The following KANSL1L variants were observed in gnomAD, a reference collection of about 807,000 sequenced individuals.
KANSL1L encodes the protein KAT8 regulatory NSL complex subunit 1 like.
KANSL1L carries 25 observed loss-of-function variants against 108.6 expected under a neutral mutation model. The observed-to-expected ratio is 0.23, with a 90% CI of 0.17 to 0.32. KANSL1L has a LOEUF of 0.32. Among genes scored for constraint, KANSL1L ranks in the 10% least tolerant of loss-of-function variants. KANSL1L has a pLI of 1.00. For missense variants in KANSL1L, 1,137 were observed against 1,125.7 expected, an observed-to-expected ratio of 1.01 and a Z score of -0.14; for synonymous variants, 405 against 395.1, an observed-to-expected ratio of 1.03 and a Z score of -0.30.
chr2:210,143,419 AT>A (rs2095243978), intron 2 of KANSL1L, among the ~76,000 whole-genome samples: 1 of 152,162 alleles, frequency 6.6e-6, no homozygotes, highest in Non-Finnish European at 1.5e-5. Flanking sequence ...ATGTTTTTAA[AT>A]TGGATAATTT....
intron 6 of KANSL1L, among the ~76,000 whole-genome samples, chr2:210,047,071 TC>T (rs34262328): frequency 6.8e-6 from 1 of 147,814 alleles, no homozygotes; most frequent in African/African-American, 2.5e-5. Context: ...AGGGGCAGCC[TC>T]CATTATCTCT....
intron 5 of KANSL1L, among the ~76,000 whole-genome samples, chr2:210,092,572 T>A (rs1319690561): frequency 6.6e-6 from 1 of 152,240 alleles, no homozygotes; most frequent in East Asian, 1.9e-4. Context: ...TTTATTTCTA[T>A]AATCAGGCTA....
chr2:210,038,545 T>C (rs1198529415), intron 8 of KANSL1L, among the ~76,000 whole-genome samples: 1 of 152,034 alleles, frequency 6.6e-6, no homozygotes, highest in Non-Finnish European at 1.5e-5. Flanking sequence ...TCAGTTAATA[T>C]TATTTTCATT....
chr2:210,068,897 A>G (rs1301997525), intron 6 of KANSL1L, among the ~76,000 whole-genome samples: 1 of 152,096 alleles, frequency 6.6e-6, no homozygotes, highest in Non-Finnish European at 1.5e-5. Flanking sequence ...TCCATGAGTT[A>G]CATACCTAAC....
chr2:210,141,169 CTT>C (rs571695275), intron 2 of KANSL1L, among the ~76,000 whole-genome samples: 1 of 91,078 alleles, frequency 1.1e-5, no homozygotes, highest in Admixed American at 9.3e-5. Flanking sequence ...TCTCTGTTTT[CTT>C]TCTTTTCTTT....
chr2:210,027,483 A>G (rs2093954159), intron 11 of KANSL1L, 133 bp from the exon 12 acceptor site: 1 of 618,102 alleles, frequency 1.6e-6, no homozygotes. Flanking sequence ...TTAATACTTA[A>G]TTTTTTAAAA....
In KANSL1L at chr2:210,044,660, AT is replaced by A. The variant is rs1022458764; in HGVS notation, c.1756-557del. On this transcript the variant is annotated intron_variant, in intron 6 of 14. Coordinates refer to ENST00000281772, the MANE Select transcript of KANSL1L (RefSeq NM_152519.4). The surrounding 1 kb of genome is among the most constrained non-coding windows in gnomAD (Gnocchi z 4.2). ...GCTTGCCAAAAGAACTTGAAAAAAA[AT>A]ATATTAATGTTGAATTTAATCATAT... 2.0e-4 allele frequency among the ~76,000 whole-genome samples: 31 copies of A among 152,282 alleles called. 3 individuals carry two copies. Among genetic ancestry groups the A allele is most frequent in the Admixed American group, 1.9e-3 (29 of 15,302 alleles).
At chr2:210,135,746 T>C (rs2095167558) in intron 2 of KANSL1L, among the ~76,000 whole-genome samples, 3 of 152,176 alleles carry the variant, frequency 2.0e-5, no homozygotes, top group African/African-American at 7.2e-5. Context: ...ATTCTATATA[T>C]TTATGTTGAC....
At chr2:210,043,106 G>T (rs1194395503) in intron 7 of KANSL1L, among the ~76,000 whole-genome samples, 1 of 152,094 alleles carries the variant, frequency 6.6e-6, no homozygotes, top group Non-Finnish European at 1.5e-5. Context: ...ATCAAGAACT[G>T]AAAATTTAAA....
intron 5 of KANSL1L, among the ~76,000 whole-genome samples, chr2:210,081,927 A>G (rs1055261327): frequency 2.6e-5 from 4 of 152,192 alleles, no homozygotes; most frequent in African/African-American, 9.6e-5. Flanking sequence ...TCTTTGGTTT[A>G]CAAAGTTAGG....
chr2:210,037,907 G>A (rs2094124835), intron 8 of KANSL1L, among the ~76,000 whole-genome samples: 1 of 151,974 alleles, frequency 6.6e-6, no homozygotes, highest in African/African-American at 2.4e-5. Flanking sequence ...TAAACAGCAG[G>A]CTTATTCAAA....
intron 7 of KANSL1L, among the ~76,000 whole-genome samples, chr2:210,042,267 T>C (rs746467141): frequency 2.0e-5 from 3 of 152,244 alleles, no homozygotes; most frequent in Non-Finnish European, 4.4e-5. Context: ...TTGAGGGATT[T>C]ATTTGTATTT....
intron 8 of KANSL1L, among the ~76,000 whole-genome samples, chr2:210,034,930 C>T (rs1179388507): frequency 6.6e-6 from 1 of 152,150 alleles, no homozygotes; most frequent in African/African-American, 2.4e-5. Context: ...ATGTTAACAT[C>T]GTATCACATT....
Position 210,079,267 on chromosome 2 carries a change from GCCA to G in KANSL1L, c.1551-3514_1551-3512del, listed in dbSNP as rs373008026. 2.1e-3 allele frequency among the ~76,000 whole-genome samples: 318 copies of G among 152,082 alleles called. 1 individual carries two copies. The highest frequency in any genetic ancestry group is 7.1e-3 in the African/African-American group (293 of 41,474). On this transcript the variant is annotated intron_variant, in intron 5 of 14. Transcript: ENST00000281772. ...ACCCTAGAAACTGAGGATGCAACAGGCCACCATCAAATATTGTTGTAGAATAAT... is the reference window on the plus strand; with the variant it reads ...ACCCTAGAAACTGAGGATGCAACAGGCCATCAAATATTGTTGTAGAATAAT...
intron 1 of KANSL1L, among the ~76,000 whole-genome samples, chr2:210,155,686 C>T (rs1465853369): frequency 1.3e-5 from 2 of 152,070 alleles, no homozygotes; most frequent in East Asian, 3.9e-4. Context: ...TATATTGATT[C>T]GCAGAAAAAG....
intron 4 of KANSL1L, among the ~76,000 whole-genome samples, chr2:210,102,753 A>T (rs547457468): frequency 6.6e-6 from 1 of 152,358 alleles, no homozygotes; most frequent in South Asian, 2.1e-4. Context: ...AATGCATATC[A>T]AAACCACAAT....
rs543473120 is a variant in KANSL1L at position 210,097,102 on chromosome 2, C to T, written c.1550+984G>A. On this transcript the variant is annotated intron_variant, in intron 5 of 14. Coordinates refer to ENST00000281772, the MANE Select transcript of KANSL1L (RefSeq NM_152519.4). ...GGTACTACAGGAGCACACCACCACG[C>T]CCGGCTAATTTTTTGTATTTTTAGT... is the stretch of plus-strand genomic sequence containing the variant. 7.0e-5 allele frequency: 17 copies of T among 244,146 alleles called. No homozygotes were observed. In the East Asian group the frequency reaches 3.1e-3, roughly 44 times the overall value. The allele number at this position is 244,146 out of a possible 1,614,324, so 15.1% of individuals were successfully genotyped here. A position where few individuals can be genotyped will look rare whatever the true frequency, so the allele number is the denominator to read the frequency against.
At chr2:210,043,784 C>T (rs993797201) in intron 7 of KANSL1L, 155 bp downstream of exon 7, 3 of 467,594 alleles carry the variant, frequency 6.4e-6, no homozygotes, top group Non-Finnish European at 1.1e-5. Context: ...AGATTAATTC[C>T]TCTACAACAA....
intron 6 of KANSL1L, among the ~76,000 whole-genome samples, chr2:210,048,909 A>T (rs2094256698): frequency 1.3e-5 from 2 of 152,216 alleles, no homozygotes; most frequent in African/African-American, 2.4e-5. Flanking sequence ...ACAAAAACAA[A>T]AACACTTGAG....
Sources: allele counts gnomAD v4.1 joint callset (sites outside exome capture counted in the v4.1 genomes callset), GRCh38; gene constraint gnomAD v4.1.1; non-coding constraint Gnocchi (gnomAD v3.1); transcripts MANE v1.5; gene names NCBI Gene and HGNC (gene_info 2026-07-23, HGNC 2026-07-21).